Variants in EYA2 observed in about 807,000 individuals in gnomAD.
The protein encoded by EYA2 is EYA transcriptional coactivator and phosphatase 2.
Under a neutral mutation model 69.2 loss-of-function variants are expected in EYA2, and 31 were observed. The observed-to-expected ratio is 0.45, with a 90% CI of 0.34 to 0.60. The LOEUF (loss-of-function observed/expected upper bound fraction) is 0.60. Among genes scored for constraint, EYA2 ranks in the 20% least tolerant of loss-of-function variants. EYA2 has a pLI of 0.02. For missense variants in EYA2, 622 were observed against 701.2 expected (o/e 0.89, Z 1.28); for synonymous variants, 257 against 279.4 (o/e 0.92, Z 0.80).
intron 2 of EYA2, among the ~76,000 whole-genome samples, chr20:47,000,070 C>T (rs898234351): frequency 1.3e-5 from 2 of 152,194 alleles, no homozygotes; most frequent in African/African-American, 2.4e-5. Flanking sequence ...AGATCCACAC[C>T]GTACTTCCTG....
At chr20:47,111,751 C>CT (rs1290737223) in intron 9 of EYA2, among the ~76,000 whole-genome samples, 1 of 152,198 alleles carries the variant, frequency 6.6e-6, no homozygotes, top group Non-Finnish European at 1.5e-5. Flanking sequence ...AACCCCACCT[C>CT]TTGAAGGGAG....
intron 1 of EYA2, among the ~76,000 whole-genome samples, chr20:46,953,719 G>A (rs1234656630): frequency 6.6e-6 from 1 of 152,202 alleles, no homozygotes. Context: ...CCACTGGGAA[G>A]TAAAATCACT....
chr20:47,116,949 G>A (rs1180436334), intron 9 of EYA2, among the ~76,000 whole-genome samples: 1 of 151,378 alleles, frequency 6.6e-6, no homozygotes, highest in Non-Finnish European at 1.5e-5. Flanking sequence ...TGGCAGAAAT[G>A]CAGAGTCTCA....
intron 11 of EYA2, among the ~76,000 whole-genome samples, chr20:47,172,479 AT>A (rs1479869275): frequency 6.6e-6 from 1 of 152,142 alleles, no homozygotes; most frequent in Non-Finnish European, 1.5e-5. Context: ...TGAAAGGCAA[AT>A]GGATGTGGAT....
At chr20:47,183,666 G>A (rs2034581436) in intron 15 of EYA2, among the ~76,000 whole-genome samples, 1 of 152,192 alleles carries the variant, frequency 6.6e-6, no homozygotes, top group African/African-American at 2.4e-5. Flanking sequence ...GCTCCGGCAG[G>A]GCAGGCTGGT....
chr20:47,149,784 G>A (rs1412337193), intron 10 of EYA2, among the ~76,000 whole-genome samples: 4 of 151,224 alleles, frequency 2.6e-5, no homozygotes, highest in Non-Finnish European at 1.5e-5. Flanking sequence ...ACCAGGAGGC[G>A]GAGGTTGCAG....
chr20:47,113,973 A>G (rs2032822679), intron 9 of EYA2, among the ~76,000 whole-genome samples: 1 of 152,002 alleles, frequency 6.6e-6, no homozygotes. Context: ...TGGGATCACC[A>G]CATGTTCCCT....
intron 10 of EYA2, among the ~76,000 whole-genome samples, chr20:47,153,588 A>C (rs2033865622): frequency 1.3e-5 from 2 of 152,038 alleles, no homozygotes; most frequent in East Asian, 3.9e-4. Flanking sequence ...TGGGAGGTTG[A>C]AGCTGCAGTG....
Position 47,007,339 on chromosome 20 carries a change from C to T in EYA2, c.298+2255C>T, listed in dbSNP as rs112094614. On this transcript the variant is annotated intron_variant, in intron 4 of 15. Coordinates refer to ENST00000327619, the MANE Select transcript of EYA2 (RefSeq NM_005244.5). The stretch of plus-strand genomic sequence containing the variant: ...TGGGAAAGGCCTTTTAAATAAGGAG[C>T]GAAATTCAGCTGAGAACTGAGAGAT... 9.9e-5 allele frequency among the ~76,000 whole-genome samples: 15 copies of T among 152,232 alleles called. 2 individuals carry two copies. The highest frequency in any genetic ancestry group is 3.9e-4 in the East Asian group (2 of 5,176).
intron 10 of EYA2, among the ~76,000 whole-genome samples, chr20:47,156,123 CACACATATATATATATATAT>C (rs1568814138): frequency 2.9e-4 from 7 of 23,952 alleles, no homozygotes; most frequent in Non-Finnish European, 3.7e-4. Flanking sequence ...CACACACACA[CACACATATATATATATATAT>C]ATATATATAT....
At chr20:47,130,212 AG>A in intron 9 of EYA2, among the ~76,000 whole-genome samples, 1 of 150,310 alleles carries the variant, frequency 6.7e-6, no homozygotes, top group Non-Finnish European at 1.5e-5. Flanking sequence ...AAATGAATGT[AG>A]TATCCTAACT....
At chr20:47,184,439 A>G (rs1202358386) in intron 15 of EYA2, among the ~76,000 whole-genome samples, 2 of 134,566 alleles carry the variant, frequency 1.5e-5, no homozygotes, top group East Asian at 4.4e-4. Flanking sequence ...TTTTTTAGAG[A>G]TAGGGTCTCA....
At chr20:46,992,963 G>A (rs1387120689) in intron 2 of EYA2, among the ~76,000 whole-genome samples, 1 of 152,064 alleles carries the variant, frequency 6.6e-6, no homozygotes, top group Non-Finnish European at 1.5e-5. Flanking sequence ...GTCTTTACTA[G>A]GTGGCTTCAA....
At chr20:46,898,423 A>ACACACACACACACACC (rs1491508595) in intron 1 of EYA2, among the ~76,000 whole-genome samples, 1 of 142,434 alleles carries the variant, frequency 7.0e-6, no homozygotes, top group Non-Finnish European at 1.5e-5. Context: ...ACACACACAC[A>ACACACACACACACACC]CCACAATTCT....
intron 10 of EYA2, among the ~76,000 whole-genome samples, chr20:47,160,394 T>C (rs993557997): frequency 1.3e-5 from 2 of 152,120 alleles, no homozygotes; most frequent in Non-Finnish European, 2.9e-5. Context: ...AAACTTTATT[T>C]ACACAAACAG....
chr20:47,151,231 C>T (rs536940386), intron 10 of EYA2, among the ~76,000 whole-genome samples: 4 of 151,970 alleles, frequency 2.6e-5, no homozygotes, highest in African/African-American at 9.6e-5. Context: ...ACTAGCAGGT[C>T]ATCGTGGTGG....
chr20:47,168,279 C>T (rs985607272), intron 10 of EYA2, among the ~76,000 whole-genome samples: 4 of 152,076 alleles, frequency 2.6e-5, no homozygotes, highest in Non-Finnish European at 4.4e-5. Context: ...ACAACCTCCA[C>T]TTGCTGGGTT....
At chr20:47,040,116 C>T (rs1373288851) in intron 5 of EYA2, among the ~76,000 whole-genome samples, 2 of 152,138 alleles carry the variant, frequency 1.3e-5, no homozygotes, top group African/African-American at 4.8e-5. Flanking sequence ...GCTGGGATTA[C>T]AGGCATGAGC....
chr20:46,910,407 C>G (rs1047022364), intron 1 of EYA2, among the ~76,000 whole-genome samples: 1 of 152,144 alleles, frequency 6.6e-6, no homozygotes. Flanking sequence ...CCTACCAGAC[C>G]CCACCTACAA....
Sources: allele counts gnomAD v4.1 joint callset (sites outside exome capture counted in the v4.1 genomes callset), GRCh38; gene constraint gnomAD v4.1.1; transcripts MANE v1.5; gene names NCBI Gene and HGNC (gene_info 2026-07-23, HGNC 2026-07-21).